Variants in NXPH2 observed in about 807,000 individuals in gnomAD.
The protein encoded by NXPH2 is neurexophilin 2.
A neutral mutation model predicts 19.8 loss-of-function variants in NXPH2; 5 were observed. The ratio of observed to expected loss-of-function variants is 0.25; its 90% confidence interval spans 0.13 to 0.53. The LOEUF (loss-of-function observed/expected upper bound fraction) is 0.53. NXPH2 is among the 20% of genes least tolerant of loss of function. NXPH2 has a pLI of 0.96. For missense variants in NXPH2, 289 were observed against 322.8 expected (o/e 0.90, Z 0.80); for synonymous variants, 154 against 127.4 (o/e 1.21, Z -1.41).
intron 1 of NXPH2, among the ~76,000 whole-genome samples, chr2:138,681,675 T>C (rs911071960): frequency 2.0e-5 from 3 of 152,196 alleles, no homozygotes; most frequent in South Asian, 2.1e-4. Flanking sequence ...GGCTTTTCCT[T>C]GATAACAGGA....
intron 1 of NXPH2, among the ~76,000 whole-genome samples, chr2:138,697,559 A>G (rs1015461365): frequency 1.3e-5 from 2 of 152,006 alleles, no homozygotes; most frequent in African/African-American, 2.4e-5. Flanking sequence ...CGTTTGTAAA[A>G]AATAGTTTAT....
chr2:138,754,469 C>T (rs1681875072), intron 1 of NXPH2, among the ~76,000 whole-genome samples: 1 of 152,126 alleles, frequency 6.6e-6, no homozygotes, highest in Non-Finnish European at 1.5e-5. Flanking sequence ...TTCTTTTACT[C>T]AGCAGTGTGC....
chr2:138,762,120 T>G lies in NXPH2; in HGVS notation c.51+18071A>C, dbSNP rs546157231. Among the ~76,000 whole-genome samples, 6 of 152,254 alleles carry G rather than the reference T, an allele frequency of 3.9e-5. No homozygotes were observed. The East Asian group carries it at 1.2e-3, about 29-fold the overall frequency. ...CAGGTGTGAGGACAAAAATCACAGGTTTTGTTTCTGTTATGACACTTCTAG... is the reference window on the plus strand; with the variant it reads ...CAGGTGTGAGGACAAAAATCACAGGGTTTGTTTCTGTTATGACACTTCTAG... On this transcript the variant is annotated intron_variant, in intron 1 of 1. Transcript: ENST00000272641.
intron 1 of NXPH2, among the ~76,000 whole-genome samples, chr2:138,762,970 G>A (rs539464090): frequency 2.0e-5 from 3 of 152,258 alleles, no homozygotes; most frequent in East Asian, 1.9e-4. Flanking sequence ...AGCGTATTAC[G>A]AATAAGTTAC....
intron 1 of NXPH2, among the ~76,000 whole-genome samples, chr2:138,770,750 T>G (rs1682163540): frequency 6.6e-6 from 1 of 151,992 alleles, no homozygotes. Flanking sequence ...TACCAGATAT[T>G]CAGGAATAAT....
chr2:138,725,301 G>A (rs544362791), intron 1 of NXPH2, among the ~76,000 whole-genome samples: 1 of 152,242 alleles, frequency 6.6e-6, no homozygotes, highest in South Asian at 2.1e-4. Context: ...TGGACACTGA[G>A]CTTGCATTCC....
At chr2:138,774,040 T>C (rs1682219819) in intron 1 of NXPH2, among the ~76,000 whole-genome samples, 1 of 152,228 alleles carries the variant, frequency 6.6e-6, no homozygotes, top group Non-Finnish European at 1.5e-5. Flanking sequence ...GTTAAAACTA[T>C]TTCTGATTTA....
chr2:138,717,053 C>T (rs1279004252), intron 1 of NXPH2, among the ~76,000 whole-genome samples: 1 of 152,128 alleles, frequency 6.6e-6, no homozygotes, highest in African/African-American at 2.4e-5. Flanking sequence ...ATATTTGGAA[C>T]TCACAGTTTT....
intron 1 of NXPH2, among the ~76,000 whole-genome samples, chr2:138,768,401 T>C (rs1682125567): frequency 6.6e-6 from 1 of 152,202 alleles, no homozygotes; most frequent in South Asian, 2.1e-4. Context: ...CTAAGGGGAA[T>C]ATCTATTGTG....
At position 138,671,449 on chromosome 2, in the gene NXPH2, T is replaced by C. The variant is rs1248103564; in HGVS notation, c.268A>G (p.Ile90Val). Residue 90 changes from isoleucine (I) to valine (V), a missense_variant, in exon 2 of 2, where the codon ATT (isoleucine) becomes GTT (valine). Ile to Val is a conservative substitution (Grantham distance 29, BLOSUM62 3). Transcript: ENST00000272641. ...TTAGTTCTTGCCAATGGCTCCTGAA[T>C]CTCCGTGATGTTGGCCAGCCAATCC... ...FWDWLANITEIQEPLARTKRR... is the reference protein window; with the variant it reads ...FWDWLANITEVQEPLARTKRR... 6.2e-7 allele frequency: 1 copy of C among 1,613,910 alleles called. No individual in the cohort carries two copies. Among genetic ancestry groups the C allele is most frequent in the Non-Finnish European group, 8.5e-7 (1 of 1,179,804 alleles).
intron 1 of NXPH2, among the ~76,000 whole-genome samples, chr2:138,733,640 A>G (rs149806562): frequency 1.8e-3 from 273 of 152,290 alleles, no homozygotes; most frequent in African/African-American, 6.2e-3. Flanking sequence ...AGCTACCATT[A>G]TTAATAACAA....
intron 1 of NXPH2, among the ~76,000 whole-genome samples, chr2:138,769,892 T>G (rs931352371): frequency 1.3e-4 from 20 of 152,246 alleles, no homozygotes; most frequent in African/African-American, 4.3e-4. Context: ...TACAAAACAA[T>G]TAATATAATA....
At chr2:138,738,756 C>T (rs532854753) in intron 1 of NXPH2, among the ~76,000 whole-genome samples, 2 of 152,320 alleles carry the variant, frequency 1.3e-5, no homozygotes, top group Non-Finnish European at 2.9e-5. Flanking sequence ...ATTTGCTCCC[C>T]TTGCTCCGCC....
At chr2:138,736,938 C>T (rs985755719) in intron 1 of NXPH2, among the ~76,000 whole-genome samples, 4 of 152,194 alleles carry the variant, frequency 2.6e-5, no homozygotes, top group Non-Finnish European at 5.9e-5. Flanking sequence ...CACCTTGGCT[C>T]CAGTTCCCAA....
intron 1 of NXPH2, among the ~76,000 whole-genome samples, chr2:138,689,645 G>A (rs1349064854): frequency 1.3e-5 from 2 of 152,152 alleles, no homozygotes; most frequent in Non-Finnish European, 2.9e-5. Context: ...ATAGGAAAAT[G>A]CTTCATTTCT....
Position 138,686,687 on chromosome 2 carries a change from G to T in NXPH2, c.52-15022C>A, listed in dbSNP as rs188194165. ...ATTTACATTAGGTATATCTCCTAAT[G>T]CTATCCCTCCCCACTCCTCCCACCC... is the stretch of plus-strand genomic sequence containing the variant. On this transcript the variant is annotated intron_variant, in intron 1 of 1. Transcript: ENST00000272641. 3.8e-3 allele frequency among the ~76,000 whole-genome samples: 571 copies of T among 152,186 alleles called. 4 individuals carry two copies. Among genetic ancestry groups the T allele is most frequent in the African/African-American group, 0.013 (545 of 41,518 alleles).
chr2:138,715,192 A>G (rs1302055201), intron 1 of NXPH2, among the ~76,000 whole-genome samples: 1 of 152,178 alleles, frequency 6.6e-6, no homozygotes, highest in Non-Finnish European at 1.5e-5. Context: ...CTATAAGCTA[A>G]TAGCTCTCTT....
chr2:138,780,172 G>A lies in NXPH2; in HGVS notation c.51+19C>T. 2 of 1,483,814 alleles carry A rather than the reference G, an allele frequency of 1.3e-6. No individual in the cohort carries two copies. The highest frequency in any genetic ancestry group is 1.8e-6 in the Non-Finnish European group (2 of 1,125,394). 91.9% of individuals were successfully genotyped at this position (1,483,814 alleles called of 1,614,324 possible). A position where few individuals can be genotyped will look rare whatever the true frequency, so the allele number is the denominator to read the frequency against. ...ACGCGTCCCCGGCGTGTGGGACGGC[G>A]CGCGGGCCGGGCACTCACCAGCTGC... On this transcript the variant is annotated intron_variant, in intron 1 of 1. Coordinates refer to ENST00000272641, the MANE Select transcript of NXPH2 (RefSeq NM_007226.3).
At chr2:138,706,056 G>A (rs4129485) in intron 1 of NXPH2, among the ~76,000 whole-genome samples, 76,379 of 152,060 alleles carry the variant, frequency 0.5, 21,341 homozygotes, top group South Asian at 0.75. Context: ...TTTCTGCTCT[G>A]TATGTGTTTA....
Sources: gnomAD v4.1 joint callset for allele counts (sites outside exome capture counted in the v4.1 genomes callset) on GRCh38, gnomAD v4.1.1 for gene constraint, MANE v1.5 for transcripts, NCBI Gene and HGNC (gene_info 2026-07-23, HGNC 2026-07-21) for gene names.